Variants in NXPE2 observed in about 807,000 individuals in gnomAD.
NXPE2 encodes the protein neurexophilin and PC-esterase domain family member 2, also known as NXPE family member 2.
NXPE2 carries 34 observed loss-of-function variants against 34.4 expected under a neutral mutation model. The ratio of observed to expected loss-of-function variants is 0.99; its 90% CI spans 0.75 to 1.31. The LOEUF is 1.31. Among genes scored for constraint, NXPE2 ranks in the 40% most tolerant of loss-of-function variants. The pLI, the probability that NXPE2 is intolerant of heterozygous loss-of-function variation, is 0.00. For synonymous variants in NXPE2, 235 were observed against 231.3 expected (o/e 1.02, Z -0.15); for missense variants, 649 against 672.5 (o/e 0.97, Z 0.39).
the NXPE2 span, among the ~76,000 whole-genome samples, chr11:114,480,445 G>A: frequency 2.0e-5 from 3 of 152,140 alleles, no homozygotes; most frequent in African/African-American, 4.8e-5. Flanking sequence ...CTAAAAAGAC[G>A]TTAATCTGGT....
chr11:114,514,574 G>T, the NXPE2 span, among the ~76,000 whole-genome samples: 2 of 151,734 alleles, frequency 1.3e-5, no homozygotes, highest in African/African-American at 4.8e-5. Flanking sequence ...TATTTTGTAG[G>T]AATGAGGTCT....
chr11:114,772,039 G>A, the NXPE2 span, among the ~76,000 whole-genome samples: 14 of 152,206 alleles, frequency 9.2e-5, no homozygotes, highest in East Asian at 5.8e-4. Context: ...CTTTATCTTC[G>A]AAGACAGTGT....
chr11:114,701,973 C>A (rs1428699303), intron 3 of NXPE2, among the ~76,000 whole-genome samples: 1 of 152,140 alleles, frequency 6.6e-6, no homozygotes, highest in African/African-American at 2.4e-5. Flanking sequence ...ACCAATCTCC[C>A]ACATATACTG....
At chr11:114,485,523 C>T in the NXPE2 span, among the ~76,000 whole-genome samples, 1 of 151,642 alleles carries the variant, frequency 6.6e-6, no homozygotes, top group Admixed American at 6.6e-5. Flanking sequence ...AACCACCACG[C>T]CTGGCCATTC....
chr11:114,631,361 A>C, the NXPE2 span, among the ~76,000 whole-genome samples: 2 of 151,916 alleles, frequency 1.3e-5, no homozygotes, highest in Non-Finnish European at 2.9e-5. Flanking sequence ...TGATGAGTTC[A>C]TGTCCTTTGT....
chr11:114,502,243 T>C, the NXPE2 span, among the ~76,000 whole-genome samples: 302 of 152,294 alleles, frequency 2.0e-3, no homozygotes, highest in African/African-American at 7.0e-3. Context: ...CTGGGACTCA[T>C]TGGGAGTCTT....
At chr11:114,700,436 A>T (rs1469183117) in intron 3 of NXPE2, among the ~76,000 whole-genome samples, 2 of 152,110 alleles carry the variant, frequency 1.3e-5, no homozygotes. Context: ...CAGCATTCTC[A>T]AGAGAAGGAA....
At chr11:114,776,008 G>A in the NXPE2 span, among the ~76,000 whole-genome samples, 2 of 152,296 alleles carry the variant, frequency 1.3e-5, no homozygotes, top group East Asian at 3.9e-4. Flanking sequence ...CACTCACAAG[G>A]CATCAGCTGC....
the NXPE2 span, among the ~76,000 whole-genome samples, chr11:114,766,196 A>G: frequency 3.3e-5 from 5 of 152,144 alleles, no homozygotes; most frequent in African/African-American, 1.2e-4. Flanking sequence ...TCATCTTGCA[A>G]TGCAGGCTGT....
At chr11:114,589,411 T>C in the NXPE2 span, among the ~76,000 whole-genome samples, 1 of 152,128 alleles carries the variant, frequency 6.6e-6, no homozygotes, top group South Asian at 2.1e-4. Context: ...GGCCTCCCCT[T>C]TTCCCATAGC....
intron 3 of NXPE2, among the ~76,000 whole-genome samples, chr11:114,703,702 T>C (rs61906864): frequency 8.0e-5 from 2 of 24,880 alleles, no homozygotes; most frequent in Non-Finnish European, 2.1e-4. Flanking sequence ...AGATAGATGA[T>C]AGATAGATAG....
chr11:114,517,996 C>A, the NXPE2 span: 1 of 152,638 alleles, frequency 6.6e-6, no homozygotes, highest in Non-Finnish European at 1.5e-5. Flanking sequence ...TCACAAGGTG[C>A]GTAGGTGCCT....
At chr11:114,599,231 C>T in the NXPE2 span, among the ~76,000 whole-genome samples, 1 of 152,244 alleles carries the variant, frequency 6.6e-6, no homozygotes, top group Non-Finnish European at 1.5e-5. Context: ...AAGTTCTTCA[C>T]TAAACCATAA....
chr11:114,651,462 A>G, the NXPE2 span, among the ~76,000 whole-genome samples: 7 of 152,184 alleles, frequency 4.6e-5, no homozygotes, highest in African/African-American at 1.2e-4. Flanking sequence ...TGTGGACCCA[A>G]AGAGTAAGCA....
chr11:114,610,781 C>G, the NXPE2 span, among the ~76,000 whole-genome samples: 1 of 151,902 alleles, frequency 6.6e-6, no homozygotes, highest in African/African-American at 2.4e-5. Flanking sequence ...CCACTGTTAC[C>G]CAGTGGATAA....
chr11:114,470,582 C>T, the NXPE2 span, among the ~76,000 whole-genome samples: 21 of 144,834 alleles, frequency 1.4e-4, no homozygotes, highest in South Asian at 1.6e-3. Flanking sequence ...AAAGAATTGA[C>T]GTGTGTGTGT....
the NXPE2 span, among the ~76,000 whole-genome samples, chr11:114,626,949 T>C: frequency 0.09 from 13,453 of 149,374 alleles, 709 homozygotes; most frequent in Middle Eastern, 0.2. Context: ...TGAAATGAAG[T>C]GAGAAGGGAA....
chr11:114,789,956 G>T, the NXPE2 span, among the ~76,000 whole-genome samples: 1 of 152,180 alleles, frequency 6.6e-6, no homozygotes, highest in Admixed American at 6.5e-5. Flanking sequence ...TTTGCTGATG[G>T]ACGAATTCAG....
At chr11:114,805,574 C>T in the NXPE2 span, among the ~76,000 whole-genome samples, 122,899 of 152,274 alleles carry the variant, frequency 0.81, 50,051 homozygotes, top group Non-Finnish European at 0.87. Context: ...CCTACGCCCA[C>T]GGCGTCTCGC....
Sources: allele counts gnomAD v4.1 joint callset (sites outside exome capture counted in the v4.1 genomes callset), GRCh38; gene constraint gnomAD v4.1.1; transcripts MANE v1.5; gene names NCBI Gene and HGNC (gene_info 2026-07-23, HGNC 2026-07-21).